Variants in SAMMSON observed in about 807,000 individuals in gnomAD.
SAMMSON encodes survival associated mitochondrial melanoma specific oncogenic non-coding RNA, also known as long intergenic non-protein coding RNA 1212.
chr3:70,039,092 A>C (rs888272999), intron 3 of SAMMSON, among the ~76,000 whole-genome samples: 2 of 152,160 alleles, frequency 1.3e-5, no homozygotes, highest in African/African-American at 4.8e-5. Flanking sequence ...GGAAAGGAAA[A>C]AAAGTGAAGC....
At chr3:70,184,474 T>C (rs936500529) in intron 4 of SAMMSON, among the ~76,000 whole-genome samples, 2 of 152,198 alleles carry the variant, frequency 1.3e-5, no homozygotes, top group Non-Finnish European at 2.9e-5. Flanking sequence ...GGTTTAACTT[T>C]TTCACCCGAT....
chr3:70,273,801 C>A (rs1701996803), intron 6 of SAMMSON, among the ~76,000 whole-genome samples: 1 of 152,030 alleles, frequency 6.6e-6, no homozygotes, highest in African/African-American at 2.4e-5. Flanking sequence ...CTTTATTTTT[C>A]TCTTTTGTTT....
At chr3:70,031,726 T>C (rs2067066775) in intron 3 of SAMMSON, among the ~76,000 whole-genome samples, 1 of 152,160 alleles carries the variant, frequency 6.6e-6, no homozygotes, top group Admixed American at 6.5e-5. Flanking sequence ...TTAGTGGGAT[T>C]TGGTTAGCTT....
At chr3:70,306,302 G>A (rs536837955) in intron 7 of SAMMSON, among the ~76,000 whole-genome samples, 134 of 152,130 alleles carry the variant, frequency 8.8e-4, no homozygotes, top group Non-Finnish European at 1.5e-3. Flanking sequence ...TAGTAAAGAC[G>A]GGGTTTCACC....
At chr3:70,301,141 T>G (rs192078302) in intron 7 of SAMMSON, among the ~76,000 whole-genome samples, 3 of 152,252 alleles carry the variant, frequency 2.0e-5, no homozygotes, top group Admixed American at 2.0e-4. Flanking sequence ...TCTTTTCTTC[T>G]GAGACACAGC....
intron 3 of SAMMSON, among the ~76,000 whole-genome samples, chr3:70,022,195 C>T (rs1413814245): frequency 6.8e-6 from 1 of 146,122 alleles, no homozygotes; most frequent in African/African-American, 2.5e-5. Flanking sequence ...CCCAGTAATT[C>T]AGGGGATTCA....
At chr3:70,110,072 G>A (rs183068727) in intron 4 of SAMMSON, among the ~76,000 whole-genome samples, 56 of 152,344 alleles carry the variant, frequency 3.7e-4, no homozygotes, top group African/African-American at 1.3e-3. Flanking sequence ...ACAGGGTGCT[G>A]TAGGAGAGGC....
chr3:70,160,421 C>T (rs928800766), intron 4 of SAMMSON, among the ~76,000 whole-genome samples: 1 of 143,804 alleles, frequency 7.0e-6, no homozygotes. Flanking sequence ...CTTATTGTAC[C>T]AGTACAATTT....
intron 4 of SAMMSON, among the ~76,000 whole-genome samples, chr3:70,185,852 C>A (rs1029870009): frequency 6.6e-6 from 1 of 151,830 alleles, no homozygotes; most frequent in African/African-American, 2.4e-5. Context: ...TGGTGTGTAC[C>A]TGTAGTCCCA....
intron 8 of SAMMSON, chr3:70,354,426 T>G (rs1195357443): frequency 6.6e-6 from 1 of 152,088 alleles, no homozygotes; most frequent in Non-Finnish European, 1.5e-5. Context: ...TCACGAAGAC[T>G]GGAAATAGTT....
chr3:70,268,190 G>T (rs1231624841), intron 6 of SAMMSON, among the ~76,000 whole-genome samples: 4 of 152,098 alleles, frequency 2.6e-5, no homozygotes, highest in African/African-American at 4.8e-5. Flanking sequence ...ACATTCTCCG[G>T]CTGGGCGCGG....
At chr3:70,167,714 A>C (rs559387144) in intron 4 of SAMMSON, among the ~76,000 whole-genome samples, 91 of 152,022 alleles carry the variant, frequency 6.0e-4, no homozygotes, top group Admixed American at 1.8e-3. Flanking sequence ...ACAAACAGGC[A>C]TCACAGACCC....
At chr3:70,326,283 A>C (rs1255440595) in intron 7 of SAMMSON, among the ~76,000 whole-genome samples, 1 of 152,140 alleles carries the variant, frequency 6.6e-6, no homozygotes, top group Non-Finnish European at 1.5e-5. Context: ...CATTCCAGCT[A>C]TGCCACTTAT....
At chr3:70,368,781 A>G (rs1315272367) in intron 9 of SAMMSON, among the ~76,000 whole-genome samples, 1 of 151,626 alleles carries the variant, frequency 6.6e-6, no homozygotes, top group Non-Finnish European at 1.5e-5. Flanking sequence ...TTTTATAGTA[A>G]GTTTGAAATT....
chr3:70,161,776 C>T (rs2067616551), intron 4 of SAMMSON, among the ~76,000 whole-genome samples: 2 of 151,770 alleles, frequency 1.3e-5, no homozygotes, highest in South Asian at 2.1e-4. Context: ...TTATAGAATT[C>T]ACCAGTGAAC....
chr3:70,080,412 C>A (rs73836095), intron 4 of SAMMSON, among the ~76,000 whole-genome samples: 1,829 of 152,248 alleles, frequency 0.012, 43 homozygotes, highest in African/African-American at 0.041. Context: ...GTTTTAAGGA[C>A]TAAATGAGTT....
chr3:70,117,686 A>ACCCACAT (rs1446121627), intron 4 of SAMMSON, among the ~76,000 whole-genome samples: 1 of 152,082 alleles, frequency 6.6e-6, no homozygotes, highest in Non-Finnish European at 1.5e-5. Context: ...AGACCATAAA[A>ACCCACAT]CCCACATCAT....
chr3:70,101,799 A>T (rs1438751944), intron 4 of SAMMSON, among the ~76,000 whole-genome samples: 1 of 152,206 alleles, frequency 6.6e-6, no homozygotes, highest in Non-Finnish European at 1.5e-5. Flanking sequence ...AAGTGGCTTA[A>T]ATAAAGCTGA....
chr3:70,425,523 T>G (rs1210948953), intron 2 of SAMMSON, among the ~76,000 whole-genome samples: 3 of 152,036 alleles, frequency 2.0e-5, no homozygotes, highest in Admixed American at 2.0e-4. Flanking sequence ...ACCATTCTCC[T>G]GCCTCAGCCT....
Sources: gnomAD v4.1 joint callset for allele counts (sites outside exome capture counted in the v4.1 genomes callset) on GRCh38, gnomAD v4.1.1 for gene constraint, MANE v1.5 for transcripts, NCBI Gene and HGNC (gene_info 2026-07-23, HGNC 2026-07-21) for gene names.